The following PKD1 variants were observed in gnomAD, a reference collection of about 807,000 sequenced individuals.
The protein encoded by PKD1 is polycystin-1.
A neutral mutation model predicts 361.7 loss-of-function variants in PKD1; 81 were observed. The ratio of observed to expected loss-of-function variants is 0.22; its 90% CI spans 0.19 to 0.27. The LOEUF (loss-of-function observed/expected upper bound fraction) is 0.27, where lower values mean the gene tolerates loss of function less well. Ranked by LOEUF, PKD1 falls within the 10% of genes least tolerant of loss-of-function variation. The pLI is 1.00. For missense variants in PKD1, 6,399 were observed against 6,118.3 expected (o/e 1.05, Z -1.53); for synonymous variants, 3,615 against 2,818.3 (o/e 1.28, Z -8.95).
At chr16:2,122,106 C>A (rs2092730286) in intron 1 of PKD1, among the ~76,000 whole-genome samples, 1 of 152,224 alleles carries the variant, frequency 6.6e-6, no homozygotes, top group African/African-American at 2.4e-5. Flanking sequence ...AAGAAGGGGA[C>A]CAGAGGCCAC....
rs754247342 is a variant in PKD1, at chr16:2,111,419, C to T, written c.3748G>A (p.Gly1250Ser). 8.1e-6 allele frequency: 13 copies of T among 1,611,702 alleles called. No homozygotes were observed. The highest frequency in any genetic ancestry group is 4.4e-5 in the South Asian group (4 of 91,060). The part of the protein sequence containing the change: ...NITWTFDMGD[G>S]TVLSGPEATV... ...GCCTCCGGGCCCGACAGCACGGTGC[C>T]GTCCCCCATGTCGAAGGTCCACGTG... Residue 1250 changes from glycine (G) to serine (S), a missense_variant, in exon 15 of 46, where the codon GGC becomes AGC. By Grantham distance (56) the Gly-to-Ser change is moderately conservative (BLOSUM62 0). Transcript: ENST00000262304.
At position 2,091,427 on chromosome 16, in the gene PKD1, G is replaced by C. The variant is rs1206693589; in HGVS notation, c.11708C>G (p.Thr3903Ser). The C allele has an allele frequency of 4.3e-6, 5 of 1,174,178 alleles. No individual in the cohort carries two copies. The highest frequency in any genetic ancestry group is 5.3e-6 in the Non-Finnish European group (5 of 949,182). The allele number at this position is 1,174,178 out of a possible 1,614,324, so 72.7% of individuals were successfully genotyped here. ...LSAGLSLPLL[T>S]SVCLLLFAVH... ...TCTGGCCGGGGACGGGCGTACCGAG[G>C]TGAGCAGAGGCAGCGAGAGGCCCGC... Residue 3903 changes from threonine to serine, a missense_variant, in exon 42 of 46, where the codon ACC becomes AGC. Physicochemically the swap from Thr to Ser is moderately conservative, Grantham distance 58 (BLOSUM62 1). Coordinates refer to ENST00000262304, the MANE Select transcript of PKD1 (RefSeq NM_001009944.3).
intron 38 of PKD1, 161 bp downstream of exon 38, chr16:2,092,793 A>G (rs953220288): frequency 8.7e-6 from 8 of 917,776 alleles, no homozygotes; most frequent in Admixed American, 1.8e-5. Context: ...CAAGACACGG[A>G]CCTGTGTCCC....
In PKD1 at chr16:2,088,733, A is replaced by C. The variant is rs1376177111; in HGVS notation, c.*994T>G. ...TTGCAGTCAGACAGCTCTTTTATTGACTTTGTCTGCTTGGTGCGGGGGTTG... is the reference window on the plus strand; with the variant it reads ...TTGCAGTCAGACAGCTCTTTTATTGCCTTTGTCTGCTTGGTGCGGGGGTTG... On this transcript the variant is annotated 3_prime_UTR_variant, in exon 46 of 46. Transcript: ENST00000262304. 5.2e-6 allele frequency: 7 copies of C among 1,345,574 alleles called. No individual in the cohort carries two copies. The highest frequency in any genetic ancestry group is 7.1e-6 in the Non-Finnish European group (7 of 990,418). The allele number at this position is 1,345,574 out of a possible 1,614,324, so 83.4% of individuals were successfully genotyped here.
intron 16 of PKD1, chr16:2,107,196 C>T (rs2092369250): frequency 3.6e-6 from 2 of 560,048 alleles, no homozygotes; most frequent in East Asian, 6.2e-5. Flanking sequence ...TGGACCCTAG[C>T]AGGAGGCAGG....
At position 2,093,963 on chromosome 16, in the gene PKD1, G is replaced by A; in HGVS notation, c.10669C>T (p.Leu3557=). 6.3e-7 allele frequency: 1 copy of A among 1,587,792 alleles called. No individual in the cohort carries two copies. The highest frequency in any genetic ancestry group is 1.1e-5 in the South Asian group (1 of 88,222). Residue 3557 remains leucine (L), a synonymous_variant, in exon 36 of 46, where the codon CTG becomes TTG. Transcript: ENST00000262304. ...AGGAGCAGGCTGAGCCCGTGGGCCA[G>A]GGAGGCACACCAGGCCGGCAGCAGG... ...KRLLPAWCAS[L]AHGLSLLLVA...
At position 2,108,843 on chromosome 16, in the gene PKD1, G is replaced by A. The variant is rs745948578; in HGVS notation, c.6324C>T (p.Pro2108=). Residue 2108 remains proline, a synonymous_variant, in exon 15 of 46, where the codon CCC becomes CCT. Coordinates refer to ENST00000262304, the MANE Select transcript of PKD1 (RefSeq NM_001009944.3). ...DGSPGQDTDE[P]RAEHSYLRPG... ...GCCTCAGGTAGGAGTGCTCGGCCCTGGGCTCATCTGTGTCCTGCCCTGGCG... is the reference window on the plus strand; with the variant it reads ...GCCTCAGGTAGGAGTGCTCGGCCCTAGGCTCATCTGTGTCCTGCCCTGGCG... 5.7e-6 allele frequency: 9 copies of A among 1,572,158 alleles called. No individual in the cohort carries two copies. Among genetic ancestry groups the A allele is most frequent in the African/African-American group, 2.7e-5 (2 of 73,834 alleles).
chr16:2,123,838 C>T (rs1472465438), intron 1 of PKD1, among the ~76,000 whole-genome samples: 3 of 152,218 alleles, frequency 2.0e-5, no homozygotes, highest in African/African-American at 4.8e-5. Context: ...ACAGGGACAG[C>T]CTGATGGGTG....
chr16:2,095,550 G>A (rs2091811492), intron 34 of PKD1: 1 of 152,364 alleles, frequency 6.6e-6, no homozygotes. Context: ...GAGTGGCAGG[G>A]AATGCCAGGG....
rs1427077369 is a variant in PKD1 at position 2,118,697 on chromosome 16, G to C, written c.508C>G (p.Pro170Ala). The C allele has an allele frequency of 6.8e-7, 1 of 1,476,280 alleles. No homozygotes were observed. Among genetic ancestry groups the C allele is most frequent in the Admixed American group, 1.9e-5 (1 of 52,984 alleles). The allele number at this position is 1,476,280 out of a possible 1,614,324, so 91.4% of individuals were successfully genotyped here. ...TCACCACAGCCACTGTCCAGCAAGG[G>C]GATGCCAAGCAGAGGCTGGCCAGCC... ...SLAGQPLLGIPLLDSGCGEEY... is the reference protein window; with the variant it reads ...SLAGQPLLGIALLDSGCGEEY... The change falls in exon 4 of 46, where the codon CCC becomes GCC. Residue 170 changes from proline (P) to alanine (A), a missense_variant. Pro to Ala is a conservative substitution (Grantham distance 27). Transcript: ENST00000262304. This position sits in a 1 kb window ranked among gnomAD's most constrained non-coding sequence, Gnocchi z 6.0.
chr16:2,125,870 C>T (rs1201575679), intron 1 of PKD1, among the ~76,000 whole-genome samples: 1 of 152,186 alleles, frequency 6.6e-6, no homozygotes. Context: ...GCTGCACTGA[C>T]CTTACGCTCC....
At position 2,110,740 on chromosome 16, in the gene PKD1, G is replaced by A; in HGVS notation, c.4427C>T (p.Ser1476Phe). 4 of 1,610,492 alleles carry A rather than the reference G, an allele frequency of 2.5e-6. No homozygotes were observed. Among genetic ancestry groups the A allele is most frequent in the Non-Finnish European group, 3.4e-6 (4 of 1,179,652 alleles). Residue 1476 changes from serine (S) to phenylalanine (F), a missense_variant, in exon 15 of 46, where the codon TCC becomes TTC. Physicochemically the swap from Ser to Phe is radical, Grantham distance 155. Coordinates refer to ENST00000262304, the MANE Select transcript of PKD1 (RefSeq NM_001009944.3). The part of the protein sequence containing the change: ...VLVTSIKVNG[S>F]LGLELQQPYL... ...CGGCTGCTGCAGCTCCAGCCCAAGG[G>A]AGCCATTGACCTTGATGCTGGTGAC...
intron 16 of PKD1, 197 bp downstream of exon 16, chr16:2,107,686 T>G (rs1442180251): frequency 1.2e-5 from 8 of 650,664 alleles, no homozygotes; most frequent in Admixed American, 1.1e-4. Flanking sequence ...ATATGTGGCT[T>G]GAAGACTGTA....
At position 2,105,471 on chromosome 16, in the gene PKD1, C is replaced by T. The variant is rs2092305182; in HGVS notation, c.7867G>A (p.Glu2623Lys). 2 of 1,595,196 alleles carry T rather than the reference C, an allele frequency of 1.3e-6. No homozygotes were observed. Among genetic ancestry groups the T allele is most frequent in the Non-Finnish European group, 1.7e-6 (2 of 1,179,088 alleles). Residue 2623 changes from glutamate (E) to lysine (K), a missense_variant, in exon 21 of 46, where the codon GAG (glutamate) becomes AAG (lysine). Transcript: ENST00000262304. ...LALVTVLNEY[E>K]RALDVAAEPK... ...TCTGCCGCCACGTCCAGGGCCCGCTCGTACTGGGGCAGGCAGGGGGCACAG... is the reference window on the plus strand; with the variant it reads ...TCTGCCGCCACGTCCAGGGCCCGCTTGTACTGGGGCAGGCAGGGGGCACAG...
chr16:2,124,620 C>T (rs977274806), intron 1 of PKD1, among the ~76,000 whole-genome samples: 1 of 152,236 alleles, frequency 6.6e-6, no homozygotes, highest in African/African-American at 2.4e-5. Context: ...GAGTCTCACA[C>T]TCAGAGCTGA....
At chr16:2,092,378 G>C in intron 39 of PKD1, 102 bp downstream of exon 39, 1 of 983,402 alleles carries the variant, frequency 1.0e-6, no homozygotes, top group South Asian at 1.4e-5. Flanking sequence ...GAGGGCAAAG[G>C]TCACACAGCT....
chr16:2,118,827 C>T lies in PKD1; in HGVS notation c.378G>A (p.Pro126=), dbSNP rs769498148. The change falls in exon 4 of 46, where the codon CCG becomes CCA. Residue 126 remains proline, a synonymous_variant. Transcript: ENST00000262304. The surrounding 1 kb of genome is among the most constrained non-coding windows in gnomAD (Gnocchi z 6.0). The part of the protein sequence containing the change: ...NLSEINLSGN[P]FECDCGLAWL... ...ACGCCAGGCCACAGTCACACTCAAA[C>T]GGGTTCCCACTCAGGTTTCTGCAGG... 2.0e-5 allele frequency: 32 copies of T among 1,595,108 alleles called. No homozygotes were observed. The highest frequency in any genetic ancestry group is 2.2e-4 in the Middle Eastern group (1 of 4,448).
At chr16:2,115,751 C>T (rs2092622078) in intron 9 of PKD1, 126 bp from the exon 10 acceptor site, 1 of 1,050,568 alleles carries the variant, frequency 9.5e-7, no homozygotes, top group Admixed American at 2.1e-5. Flanking sequence ...GGCAGCACTC[C>T]CAGCCCAGTG....
At chr16:2,105,084 C>T (rs577032198) in intron 21 of PKD1, among the ~76,000 whole-genome samples, 2,609 of 126,810 alleles carry the variant, frequency 0.021, 100 homozygotes, top group African/African-American at 0.073. Flanking sequence ...TCTTCTTAGT[C>T]CCTCCCCACA....
Sources: gnomAD v4.1 joint callset for allele counts (sites outside exome capture counted in the v4.1 genomes callset) on GRCh38, gnomAD v4.1.1 for gene constraint, Gnocchi (gnomAD v3.1) non-coding constraint, MANE v1.5 for transcripts, NCBI Gene and HGNC (gene_info 2026-07-23, HGNC 2026-07-21) for gene names.